USP30: variants seen among roughly 807,000 people sequenced by gnomAD.
The protein encoded by USP30 is ubiquitin carboxyl-terminal hydrolase 30.
Under a neutral mutation model 68.2 loss-of-function variants are expected in USP30, and 41 were observed. The observed-to-expected ratio is 0.60, with a 90% CI of 0.47 to 0.78. The LOEUF is 0.78. Ranked by LOEUF, USP30 falls within the 30% of genes least tolerant of loss-of-function variation. USP30 has a pLI of 0.00. For synonymous variants in USP30, 229 were observed against 253.7 expected (o/e 0.90, Z 0.93); for missense variants, 522 against 649.4 (o/e 0.80, Z 2.13).
intron 3 of USP30, among the ~76,000 whole-genome samples, chr12:109,059,487 C>T (rs889578614): frequency 2.2e-4 from 34 of 152,072 alleles, no homozygotes; most frequent in Admixed American, 7.2e-4. Flanking sequence ...TGAGCCACTA[C>T]GCCTGGCCCC....
At position 109,046,989 on chromosome 12, in the gene USP30, C is replaced by T. The variant is rs945174715; in HGVS notation, c.-135-601C>T. On this transcript the variant is annotated intron_variant, in intron 3 of 15. Coordinates refer to the USP30 transcript ENST00000392784. ...TGGGATTACAGGGGTTGAGCCACTGCGCCCGGCCAGCTGGAAGTTTTGATC... is the reference window on the plus strand; with the variant it reads ...TGGGATTACAGGGGTTGAGCCACTGTGCCCGGCCAGCTGGAAGTTTTGATC... 5.3e-5 allele frequency among the ~76,000 whole-genome samples: 8 copies of T among 152,134 alleles called. No individual in the cohort carries two copies. In the South Asian group the frequency reaches 1.2e-3, roughly 24 times the overall value.
At chr12:109,035,281 A>G (rs1171493584) in intron 3 of USP30, among the ~76,000 whole-genome samples, 2 of 151,688 alleles carry the variant, frequency 1.3e-5, no homozygotes, top group Non-Finnish European at 2.9e-5. Flanking sequence ...TTCTTTCACT[A>G]TATATTTTTG....
chr12:109,063,448 C>T (rs1360500915), intron 3 of USP30, among the ~76,000 whole-genome samples: 1 of 152,154 alleles, frequency 6.6e-6, no homozygotes, highest in Non-Finnish European at 1.5e-5. Flanking sequence ...TTTTGTTTGT[C>T]CCTCTGTCAG....
chr12:109,037,515 T>TATATA, intron 3 of USP30, among the ~76,000 whole-genome samples: 1 of 152,318 alleles, frequency 6.6e-6, no homozygotes, highest in South Asian at 2.1e-4. Context: ...CTGAGCATTT[T>TATATA]ATATAATATA....
chr12:109,029,478 CCT>C (rs539981242), intron 3 of USP30, among the ~76,000 whole-genome samples: 1 of 152,136 alleles, frequency 6.6e-6, no homozygotes, highest in Non-Finnish European at 1.5e-5. Context: ...AGGCATATCC[CCT>C]GAGTGTGCAT....
intron 3 of USP30, among the ~76,000 whole-genome samples, chr12:109,033,578 AT>A (rs1231999538): frequency 6.6e-6 from 1 of 152,184 alleles, no homozygotes; most frequent in Non-Finnish European, 1.5e-5. Flanking sequence ...TCAGTTGGGT[AT>A]GACAAGAATG....
chr12:109,056,645 G>C, intron 1 of USP30, 37 bp from the exon 2 acceptor site: 1 of 1,494,504 alleles, frequency 6.7e-7, no homozygotes, highest in African/African-American at 1.4e-5. Context: ...TTTTGTGTTT[G>C]TGTGAGGGAA....
At chr12:109,053,049 C>G (rs945858672) in intron 1 of USP30, 4 of 314,500 alleles carry the variant, frequency 1.3e-5, no homozygotes, top group African/African-American at 8.6e-5. Flanking sequence ...GTCAAGGCCC[C>G]TAATTCTGTC....
chr12:109,034,998 C>T (rs1020959512), intron 3 of USP30, among the ~76,000 whole-genome samples: 8 of 152,036 alleles, frequency 5.3e-5, no homozygotes, highest in Non-Finnish European at 1.0e-4. Flanking sequence ...TACTTTTAAC[C>T]TATTTGTGTC....
At chr12:109,085,164 T>C (rs765089502) in intron 12 of USP30, 91 bp downstream of exon 12, 36 of 1,256,114 alleles carry the variant, frequency 2.9e-5, no homozygotes, top group Non-Finnish European at 3.6e-5. Flanking sequence ...AAGGAAAATA[T>C]AGATGTTTAT....
chr12:109,034,424 G>A (rs970338899), intron 3 of USP30, among the ~76,000 whole-genome samples: 43 of 152,122 alleles, frequency 2.8e-4, no homozygotes, highest in African/African-American at 1.0e-3. Flanking sequence ...TAAGCCACTT[G>A]AGAAGAAAGT....
chr12:109,072,447 A>G (rs1398920126), intron 6 of USP30, 97 bp downstream of exon 6: 6 of 1,183,032 alleles, frequency 5.1e-6, no homozygotes, highest in Non-Finnish European at 7.4e-6. Context: ...CTGGTGACAT[A>G]CAGGCCAGCT....
At chr12:109,080,816 C>T (rs1261739543) in intron 7 of USP30, among the ~76,000 whole-genome samples, 2 of 152,160 alleles carry the variant, frequency 1.3e-5, no homozygotes, top group Non-Finnish European at 2.9e-5. Flanking sequence ...TTGCTTACAG[C>T]ATTCAGTACG....
At chr12:109,024,039 T>G (rs998523427) in intron 1 of USP30, among the ~76,000 whole-genome samples, 1 of 152,108 alleles carries the variant, frequency 6.6e-6, no homozygotes, top group South Asian at 2.1e-4. Context: ...GGCTCAGTCC[T>G]GGGGACTCTC....
chr12:109,052,757 G>C lies in USP30; in HGVS notation c.79G>C (p.Val27Leu). ...GCGCTTCCTGCGGACCGGGGCGGCC[G>C]TCAGGTGAGATTTTGGGGGGCGGGG... ...IQRFLRTGAAVRYKVMKNWGV... is the reference protein window; with the variant it reads ...IQRFLRTGAALRYKVMKNWGV... Residue 27 changes from valine (V) to leucine (L), a missense_variant, in exon 1 of 13, where the codon GTC (valine) becomes CTC (leucine). Physicochemically the swap from Val to Leu is conservative, Grantham distance 32. Coordinates refer to ENST00000257548, the MANE Select transcript of USP30 (RefSeq NM_032663.5). 1.4e-6 allele frequency: 2 copies of C among 1,451,948 alleles called. No individual in the cohort carries two copies. Among genetic ancestry groups the C allele is most frequent in the Non-Finnish European group, 1.8e-6 (2 of 1,102,976 alleles). 89.9% of individuals were successfully genotyped at this position (1,451,948 alleles called of 1,614,324 possible).
At chr12:109,085,503 C>T (rs1451290922) in intron 12 of USP30, among the ~76,000 whole-genome samples, 164 bp from the exon 13 acceptor site, 2 of 152,192 alleles carry the variant, frequency 1.3e-5, no homozygotes, top group African/African-American at 4.8e-5. Context: ...TACATCTTGC[C>T]ATGCCAGTAA....
intron 3 of USP30, among the ~76,000 whole-genome samples, chr12:109,038,289 C>A (rs1000274428): frequency 2.7e-5 from 4 of 149,196 alleles, no homozygotes; most frequent in Non-Finnish European, 4.4e-5. Flanking sequence ...TGTTTGATTT[C>A]TGTTCCTGGA....
At chr12:109,048,747 A>C (rs577731581), upstream of USP30, among the ~76,000 whole-genome samples, 1 of 151,950 alleles carries the variant, frequency 6.6e-6, no homozygotes, top group South Asian at 2.1e-4. Flanking sequence ...CTCAAAAAAA[A>C]AAAAAACAAA....
chr12:109,031,894 A>G (rs143391590), intron 3 of USP30, among the ~76,000 whole-genome samples: 216 of 152,276 alleles, frequency 1.4e-3, no homozygotes, highest in African/African-American at 4.8e-3. Flanking sequence ...GCTTGAGCTC[A>G]GGAGTTCGAG....
Sources: gnomAD v4.1 joint callset for allele counts (sites outside exome capture counted in the v4.1 genomes callset) on GRCh38, gnomAD v4.1.1 for gene constraint, MANE v1.5 for transcripts, NCBI Gene and HGNC (gene_info 2026-07-23, HGNC 2026-07-21) for gene names.